HKDC1: variants seen among roughly 807,000 people sequenced by gnomAD.
HKDC1 encodes the protein hexokinase HKDC1.
A neutral mutation model predicts 96.6 loss-of-function variants in HKDC1; 66 were observed. The observed-to-expected ratio is 0.68, with a 90% CI of 0.56 to 0.84. HKDC1 has a LOEUF of 0.84. Ranked by LOEUF, HKDC1 falls within the 40% of genes least tolerant of loss-of-function variation. HKDC1 has a pLI of 0.00. For missense variants in HKDC1, 1,211 were observed against 1,208.1 expected, an observed-to-expected ratio of 1.00 and a Z score of -0.04; for synonymous variants, 466 against 473.1, an observed-to-expected ratio of 0.98 and a Z score of 0.20.
chr10:69,251,928 T>G (rs564887944), intron 12 of HKDC1, among the ~76,000 whole-genome samples: 15 of 152,050 alleles, frequency 9.9e-5, no homozygotes, highest in African/African-American at 3.6e-4. Context: ...ACTGGCTAAT[T>G]TTTGTATTTT....
intron 12 of HKDC1, among the ~76,000 whole-genome samples, chr10:69,255,078 G>A (rs1461411016): frequency 6.6e-6 from 1 of 152,186 alleles, no homozygotes; most frequent in Non-Finnish European, 1.5e-5. Context: ...CGGTCCTGAC[G>A]GGGCACCAGG....
At chr10:69,247,959 G>A (rs574592562) in intron 9 of HKDC1, among the ~76,000 whole-genome samples, 1 of 152,224 alleles carries the variant, frequency 6.6e-6, no homozygotes, top group South Asian at 2.1e-4. Flanking sequence ...GATACACCTA[G>A]TCATAGATGG....
intron 1 of HKDC1, 147 bp downstream of exon 1, chr10:69,220,645 G>C: frequency 1.8e-6 from 1 of 543,424 alleles, no homozygotes; most frequent in South Asian, 2.6e-5. Context: ...CTCACTGAGG[G>C]AAGAGGGAGT....
intron 12 of HKDC1, among the ~76,000 whole-genome samples, chr10:69,255,217 T>C (rs562757886): frequency 1.3e-5 from 2 of 152,270 alleles, no homozygotes; most frequent in East Asian, 1.9e-4. Flanking sequence ...AAGATACCCA[T>C]GGTTGGGGAG....
In HKDC1 at chr10:69,243,294, G is replaced by A. The variant is rs759512433; in HGVS notation, c.804G>A (p.Gly268=). Residue 268 remains glycine (G), a synonymous_variant, in exon 7 of 18, where the codon GGG becomes GGA. Transcript: ENST00000354624. ...NTEWGAFGDD[G]ALEDIRTEFD... Reference sequence around the variant, plus strand: ...AGTGGGGGGCCTTCGGGGACGACGGGGCCCTGGAGGACATTCGCACTGAGT... The same window carrying A: ...AGTGGGGGGCCTTCGGGGACGACGGAGCCCTGGAGGACATTCGCACTGAGT... 41 of 1,613,654 alleles carry A rather than the reference G, an allele frequency of 2.5e-5. No individual in the cohort carries two copies. In the Admixed American group the frequency reaches 5.3e-4, roughly 21 times the overall value.
chr10:69,266,568 C>T, intron 17 of HKDC1, 42 bp from the exon 18 acceptor site: 1 of 1,595,454 alleles, frequency 6.3e-7, no homozygotes, highest in Non-Finnish European at 8.6e-7. Flanking sequence ...TGTTCTGATT[C>T]TACATGGAAG....
chr10:69,262,029 A>G, intron 16 of HKDC1: 1 of 405,488 alleles, frequency 2.5e-6, no homozygotes, highest in Non-Finnish European at 4.9e-6. Flanking sequence ...GGTGGCATTG[A>G]GTTGTCTGTC....
intron 14 of HKDC1, 41 bp from the exon 15 acceptor site, chr10:69,258,735 G>A: frequency 6.3e-7 from 1 of 1,599,688 alleles, no homozygotes; most frequent in Non-Finnish European, 8.6e-7. Context: ...AAAACCTGGT[G>A]ATGTCTTTGA....
Position 69,238,678 on chromosome 10 carries a change from C to A in HKDC1, c.496-364C>A, listed in dbSNP as rs113129369. 5.0e-5 allele frequency among the ~76,000 whole-genome samples: 3 copies of A among 60,144 alleles called. 1 individual carries two copies. The highest frequency in any genetic ancestry group is 2.0e-4 in the African/African-American group (3 of 14,740). 39.5% of individuals were successfully genotyped at this position (60,144 alleles called of 152,430 possible). On this transcript the variant is annotated intron_variant, in intron 4 of 17. Transcript: ENST00000354624. Reference sequence around the variant, plus strand: ...GGCGTGAGCCACCGCGCCCGGCCTACACCAGGTATTTTCATTAGAGCATTC... The same window carrying A: ...GGCGTGAGCCACCGCGCCCGGCCTAAACCAGGTATTTTCATTAGAGCATTC...
At chr10:69,252,636 T>A (rs1316083903) in intron 12 of HKDC1, among the ~76,000 whole-genome samples, 1 of 134,854 alleles carries the variant, frequency 7.4e-6, no homozygotes, top group Non-Finnish European at 1.6e-5. Flanking sequence ...AGAGCGAGAC[T>A]CTGTCTCAAA....
intron 14 of HKDC1, 36 bp from the exon 15 acceptor site, chr10:69,258,740 C>T (rs1372146664): frequency 6.2e-7 from 1 of 1,607,806 alleles, no homozygotes; most frequent in Non-Finnish European, 8.5e-7. Context: ...CTGGTGATGT[C>T]TTTGAAGACT....
intron 2 of HKDC1, 168 bp from the exon 3 acceptor site, chr10:69,232,596 T>C (rs1005150079): frequency 1.5e-6 from 1 of 660,030 alleles, no homozygotes; most frequent in African/African-American, 1.8e-5. Flanking sequence ...GCGCCTTACC[T>C]CGAGGGCTCT....
intron 7 of HKDC1, among the ~76,000 whole-genome samples, chr10:69,244,150 A>G (rs925427717): frequency 6.6e-6 from 1 of 152,046 alleles, no homozygotes; most frequent in African/African-American, 2.4e-5. Context: ...TTTTATTTTG[A>G]TGCTCAAATT....
chr10:69,248,218 T>C (rs200804932), intron 9 of HKDC1, among the ~76,000 whole-genome samples: 1 of 20,990 alleles, frequency 4.8e-5, no homozygotes, highest in Non-Finnish European at 8.3e-5. Flanking sequence ...GAATAAGCAC[T>C]TCCCCGAGCC....
At chr10:69,262,775 TCTC>T (rs1260339473) in intron 16 of HKDC1, among the ~76,000 whole-genome samples, 1 of 152,148 alleles carries the variant, frequency 6.6e-6, no homozygotes, top group Non-Finnish European at 1.5e-5. Flanking sequence ...TCAGCATCCT[TCTC>T]CTGTCTAGTC....
chr10:69,244,298 C>T (rs1843503744), intron 7 of HKDC1, among the ~76,000 whole-genome samples: 1 of 152,150 alleles, frequency 6.6e-6, no homozygotes, highest in Non-Finnish European at 1.5e-5. Flanking sequence ...CTAGCCCCAG[C>T]CCTGGAATCA....
intron 12 of HKDC1, among the ~76,000 whole-genome samples, chr10:69,252,643 C>CA (rs71471534): frequency 0.27 from 17,443 of 64,214 alleles, 2,105 homozygotes; most frequent in Non-Finnish European, 0.35. Context: ...GACTCTGTCT[C>CA]AAAAAAAAAA....
rs1176474937 is a variant in HKDC1 at position 69,250,667 on chromosome 10, C to T, written c.1836+15C>T. 1.2e-6 allele frequency: 2 copies of T among 1,612,438 alleles called. No homozygotes were observed. The highest frequency in any genetic ancestry group is 1.3e-5 in the African/African-American group (1 of 74,930). ...GCATTGACAAGGTAAGATAGCCCCA[C>T]CAGGCTCACGGCCAGCCCAGTGGGC... On this transcript the variant is annotated intron_variant, in intron 12 of 17. Coordinates refer to ENST00000354624, the MANE Select transcript of HKDC1 (RefSeq NM_025130.4).
intron 4 of HKDC1, among the ~76,000 whole-genome samples, chr10:69,233,787 A>G (rs1405945082): frequency 6.6e-6 from 1 of 151,548 alleles, no homozygotes; most frequent in Non-Finnish European, 1.5e-5. Flanking sequence ...AGTCCCAGCC[A>G]CTTGGGAGGC....
Sources: gnomAD v4.1 joint callset for allele counts (sites outside exome capture counted in the v4.1 genomes callset) on GRCh38, gnomAD v4.1.1 for gene constraint, MANE v1.5 for transcripts, NCBI Gene and HGNC (gene_info 2026-07-23, HGNC 2026-07-21) for gene names.